Variants in SPATA24 observed in about 807,000 individuals in gnomAD.
SPATA24 encodes spermatogenesis-associated protein 24.
In SPATA24, 21 loss-of-function variants were observed where a neutral mutation model predicts 28.9. The ratio of observed to expected loss-of-function variants is 0.73; its 90% CI spans 0.52 to 1.05. The LOEUF (loss-of-function observed/expected upper bound fraction) is 1.05. Ranked by LOEUF, SPATA24 falls within the 50% of genes least tolerant of loss-of-function variation. The pLI is 0.00. For synonymous variants in SPATA24, 76 were observed against 89.9 expected (o/e 0.85, Z 0.88); for missense variants, 215 against 242.9 (o/e 0.88, Z 0.76).
intron 4 of SPATA24, 104 bp from the exon 5 acceptor site, chr5:139,397,247 C>G: frequency 1.3e-6 from 1 of 784,976 alleles, no homozygotes; most frequent in Non-Finnish European, 2.1e-6. Context: ...GCTCCCCACC[C>G]AAGAGTTCTC....
downstream of SPATA24, chr5:139,396,102 A>AT (rs1266553296): frequency 1.1e-6 from 1 of 898,788 alleles, no homozygotes; most frequent in African/African-American, 1.8e-5. Context: ...GAGCAAGAGC[A>AT]CTGCCCCCTC....
chr5:139,394,769 T>C (rs1758665327), downstream of SPATA24: 2 of 1,532,330 alleles, frequency 1.3e-6, no homozygotes, highest in African/African-American at 1.4e-5. Flanking sequence ...GACGGCAGCG[T>C]GCGCAGCTGG....
intron 4 of SPATA24, among the ~76,000 whole-genome samples, chr5:139,397,913 C>G (rs1389364507): frequency 2.6e-5 from 4 of 152,246 alleles, no homozygotes; most frequent in Non-Finnish European, 2.9e-5. Flanking sequence ...ACTCATCTGT[C>G]TTCTCCGCTG....
intron 1 of SPATA24, 94 bp downstream of exon 1, chr5:139,403,850 T>C: frequency 9.0e-7 from 1 of 1,110,254 alleles, no homozygotes; most frequent in African/African-American, 1.5e-5. Context: ...CCATGCGTTC[T>C]AGCCACGGCC....
At chr5:139,393,118 G>A (rs905253446), downstream of SPATA24, 2 of 1,528,612 alleles carry the variant, frequency 1.3e-6, no homozygotes, top group South Asian at 1.2e-5. Context: ...CTCCCCGCAG[G>A]GGTCGGCAGG....
downstream of SPATA24, chr5:139,393,215 G>A (rs986898644): frequency 1.9e-6 from 3 of 1,549,206 alleles, no homozygotes; most frequent in African/African-American, 2.7e-5. Flanking sequence ...TCTCGAGGCC[G>A]CGGAATGGCC....
chr5:139,402,878 G>A (rs1758855497), intron 1 of SPATA24, among the ~76,000 whole-genome samples, 185 bp from the exon 2 acceptor site: 1 of 152,198 alleles, frequency 6.6e-6, no homozygotes, highest in Non-Finnish European at 1.5e-5. Flanking sequence ...TGCCCTCAAG[G>A]AGCAGCCAGT....
intron 4 of SPATA24, among the ~76,000 whole-genome samples, chr5:139,399,974 G>A (rs2152078827): frequency 6.6e-6 from 1 of 152,344 alleles, no homozygotes; most frequent in Non-Finnish European, 1.5e-5. Context: ...GGATGCCCAG[G>A]GAGAGGGCAA....
At chr5:139,393,649 A>G, downstream of SPATA24, 1 of 1,550,774 alleles carries the variant, frequency 6.4e-7, no homozygotes, top group East Asian at 2.4e-5. Context: ...AATCTCCCAC[A>G]GGGAAGGGGC....
downstream of SPATA24, chr5:139,392,814 AGG>A: frequency 6.6e-7 from 1 of 1,515,074 alleles, no homozygotes; most frequent in South Asian, 1.3e-5. This position sits in a 1 kb window ranked among gnomAD's most constrained non-coding sequence, Gnocchi z 5.8. Context: ...TCTCTCCTCC[AGG>A]GCCGCGCGCT....
Position 139,401,815 on chromosome 5 carries a change from C to A in SPATA24, c.325G>T (p.Val109Phe). The change falls in exon 4 of 6, where the codon GTC (valine) becomes TTC (phenylalanine). Residue 109 changes from valine to phenylalanine, a missense_variant. By Grantham distance (50) the Val-to-Phe change is conservative. Transcript: ENST00000450845. ...KLAFEKALSS[V>F]KSKVLQESSK... The stretch of plus-strand genomic sequence containing the variant: ...GACTCCTGAAGGACTTTGCTCTTGA[C>A]ACTGGAGAGCCTGGGTGGGGAAGAT... 1 of 1,550,798 alleles carries A rather than the reference C, an allele frequency of 6.4e-7. No individual in the cohort carries two copies. The highest frequency in any genetic ancestry group is 8.7e-7 in the Non-Finnish European group (1 of 1,146,354).
chr5:139,392,883 G>T (rs891014103), downstream of SPATA24: 3 of 1,544,824 alleles, frequency 1.9e-6, no homozygotes, highest in African/African-American at 4.1e-5. The surrounding 1 kb of genome is among the most constrained non-coding windows in gnomAD (Gnocchi z 5.8). Flanking sequence ...CAGGCAGGCG[G>T]ATCTCTGTGC....
At chr5:139,398,404 T>TA (rs11434297) in intron 4 of SPATA24, among the ~76,000 whole-genome samples, 140,199 of 142,986 alleles carry the variant, frequency 0.98, 68,733 homozygotes, top group South Asian at 1. Context: ...TCTACAAAAC[T>TA]AAAAAAAAAA....
chr5:139,396,970 G>T, intron 5 of SPATA24, 41 bp from the exon 6 acceptor site: 10 of 1,551,566 alleles, frequency 6.4e-6, no homozygotes, highest in Non-Finnish European at 8.7e-6. Context: ...GGACAGCCAA[G>T]GGTAGGTAGG....
At chr5:139,394,231 G>A, downstream of SPATA24, 1 of 1,548,582 alleles carries the variant, frequency 6.5e-7, no homozygotes, top group Non-Finnish European at 8.7e-7. Flanking sequence ...GCTGCGGGCC[G>A]TTTCCCGGGT....
At chr5:139,394,848 G>C, downstream of SPATA24, 12 of 1,531,244 alleles carry the variant, frequency 7.8e-6, no homozygotes, top group Non-Finnish European at 1.1e-5. Context: ...GCCGCTGGCG[G>C]CTATTCTGGG....
chr5:139,401,685 A>G (rs1228305357), intron 4 of SPATA24, 70 bp downstream of exon 4: 1 of 1,478,474 alleles, frequency 6.8e-7, no homozygotes, highest in Admixed American at 2.0e-5. Flanking sequence ...TGCCTTTGAC[A>G]CAGGCACTGG....
At chr5:139,392,761 C>T (rs1758619960), downstream of SPATA24, 1 of 1,437,256 alleles carries the variant, frequency 7.0e-7, no homozygotes, top group Non-Finnish European at 9.2e-7. The surrounding 1 kb of genome is among the most constrained non-coding windows in gnomAD (Gnocchi z 5.8). Flanking sequence ...GCTGGTCCGA[C>T]CGTCGCCGTC....
chr5:139,393,382 GTGGA>G, downstream of SPATA24: 25 of 1,551,628 alleles, frequency 1.6e-5, no homozygotes, highest in Non-Finnish European at 2.1e-5. Flanking sequence ...AATTTCCCGC[GTGGA>G]TGGACTCTGC....
Sources: gnomAD v4.1 joint callset for allele counts (sites outside exome capture counted in the v4.1 genomes callset) on GRCh38, gnomAD v4.1.1 for gene constraint, Gnocchi (gnomAD v3.1) non-coding constraint, MANE v1.5 for transcripts, NCBI Gene and HGNC (gene_info 2026-07-23, HGNC 2026-07-21) for gene names.